The following AKT3 variants were observed in gnomAD, a reference collection of about 807,000 sequenced individuals.
AKT3 encodes AKT serine/threonine kinase 3, also known as RAC-gamma serine/threonine-protein kinase.
AKT3 carries 15 observed loss-of-function variants against 65.3 expected under a neutral mutation model. The ratio of observed to expected loss-of-function variants is 0.23; its 90% confidence interval spans 0.15 to 0.35. The LOEUF (loss-of-function observed/expected upper bound fraction) is 0.35. AKT3 is among the 10% of genes least tolerant of loss of function. AKT3 has a pLI of 1.00. For missense variants in AKT3, 243 were observed against 576.5 expected, an observed-to-expected ratio of 0.42 and a Z score of 5.92; for synonymous variants, 206 against 183.8, an observed-to-expected ratio of 1.12 and a Z score of -0.98.
chr1:243,674,595 A>C (rs1022807128), intron 3 of AKT3, among the ~76,000 whole-genome samples: 1 of 152,232 alleles, frequency 6.6e-6, no homozygotes, highest in African/African-American at 2.4e-5. Context: ...CAAATGAAGT[A>C]GTCTCTTTAA....
intron 6 of AKT3, among the ~76,000 whole-genome samples, chr1:243,618,306 C>T (rs1013766611): frequency 2.0e-5 from 3 of 152,086 alleles, no homozygotes; most frequent in African/African-American, 7.2e-5. Context: ...TATTTTCTAA[C>T]ATATTTTACA....
chr1:243,687,977 A>G (rs994237961), intron 3 of AKT3: 1 of 152,206 alleles, frequency 6.6e-6, no homozygotes, highest in Non-Finnish European at 1.5e-5. Context: ...GTTAACAGAT[A>G]TAACTTTCCA....
chr1:243,642,142 T>C (rs1413650505), intron 5 of AKT3, among the ~76,000 whole-genome samples: 1 of 152,206 alleles, frequency 6.6e-6, no homozygotes, highest in South Asian at 2.1e-4. Context: ...CCCATCTATT[T>C]TGACAGAACT....
At chr1:243,616,212 C>A (rs900968579) in intron 6 of AKT3, among the ~76,000 whole-genome samples, 15 of 148,986 alleles carry the variant, frequency 1.0e-4, no homozygotes, top group Non-Finnish European at 1.5e-4. Flanking sequence ...TGCTTCCATC[C>A]TTTCCCCCAA....
chr1:243,841,049 T>C (rs1025365958), intron 2 of AKT3, among the ~76,000 whole-genome samples: 7 of 152,152 alleles, frequency 4.6e-5, no homozygotes, highest in African/African-American at 1.7e-4. Context: ...TTGTGTGTTA[T>C]TCAAATTTTT....
At chr1:243,580,847 A>G (rs1675288528) in intron 8 of AKT3, among the ~76,000 whole-genome samples, 1 of 152,036 alleles carries the variant, frequency 6.6e-6, no homozygotes, top group Non-Finnish European at 1.5e-5. Context: ...GAGTAGCCTG[A>G]GCCACCGCAC....
rs1210424025 is a variant in AKT3 at position 243,592,209 on chromosome 1, C to A, written c.697-19161G>T. On this transcript the variant is annotated intron_variant, in intron 8 of 13. Transcript: ENST00000673466. ...AATTAGCTGGGCTTGGTGGCAGGAG[C>A]CTGTAGTCCCAGCTACTCTGGAGGC... Among the ~76,000 whole-genome samples, 5 of 152,110 alleles carry A rather than the reference C, an allele frequency of 3.3e-5. No homozygotes were observed. The East Asian group carries it at 9.7e-4, about 29-fold the overall frequency.
intron 4 of AKT3, among the ~76,000 whole-genome samples, chr1:243,659,615 T>A (rs906711333): frequency 2.0e-5 from 3 of 152,118 alleles, no homozygotes; most frequent in Non-Finnish European, 4.4e-5. Context: ...TATGTATATG[T>A]GTTATCCACA....
At chr1:243,837,692 C>A (rs1276172645) in intron 2 of AKT3, among the ~76,000 whole-genome samples, 1 of 152,068 alleles carries the variant, frequency 6.6e-6, no homozygotes, top group Non-Finnish European at 1.5e-5. Context: ...AAACTGACCA[C>A]CACTCATGAT....
chr1:243,696,037 G>A (rs966835777), intron 2 of AKT3, among the ~76,000 whole-genome samples: 3 of 151,640 alleles, frequency 2.0e-5, no homozygotes, highest in Non-Finnish European at 2.9e-5. Flanking sequence ...ATTTTCAGCT[G>A]TTTTAAAAAG....
chr1:243,535,176 T>TTTTAAAATATATTTAAAAA (rs1400969911), intron 12 of AKT3, among the ~76,000 whole-genome samples: 13 of 149,038 alleles, frequency 8.7e-5, no homozygotes, highest in South Asian at 8.4e-4. Context: ...ATATTTAAAA[T>TTTTAAAATATATTTAAAAA]TTTAAAATAA....
At chr1:243,826,680 C>T (rs1694188265) in intron 2 of AKT3, among the ~76,000 whole-genome samples, 1 of 152,196 alleles carries the variant, frequency 6.6e-6, no homozygotes, top group Non-Finnish European at 1.5e-5. Context: ...GCTTCAATCT[C>T]TGATGATTCT....
intron 2 of AKT3, among the ~76,000 whole-genome samples, chr1:243,742,062 A>T (rs1373984257): frequency 2.0e-5 from 3 of 148,580 alleles, no homozygotes; most frequent in African/African-American, 7.4e-5. Flanking sequence ...AGAAAATTAA[A>T]AAAAAAAAAA....
chr1:243,616,730 G>A (rs1459431292), intron 6 of AKT3, among the ~76,000 whole-genome samples: 1 of 152,042 alleles, frequency 6.6e-6, no homozygotes, highest in African/African-American at 2.4e-5. Context: ...CCTTAAACTC[G>A]AAAGATAATG....
At chr1:243,654,457 G>A (rs1681613087) in intron 4 of AKT3, among the ~76,000 whole-genome samples, 1 of 152,094 alleles carries the variant, frequency 6.6e-6, no homozygotes, top group Non-Finnish European at 1.5e-5. Context: ...TATTATAGGT[G>A]TGCTAGTGAC....
At chr1:243,597,949 T>C (rs1034590749) in intron 8 of AKT3, among the ~76,000 whole-genome samples, 41 of 152,246 alleles carry the variant, frequency 2.7e-4, no homozygotes, top group African/African-American at 9.4e-4. Flanking sequence ...CTGTAATGAA[T>C]GTACATTATC....
chr1:243,658,535 G>A (rs1681998770), intron 4 of AKT3, among the ~76,000 whole-genome samples: 2 of 152,198 alleles, frequency 1.3e-5, no homozygotes, highest in African/African-American at 4.8e-5. Flanking sequence ...GTAAAATAAC[G>A]TAGCTGCTAC....
At chr1:243,698,033 T>C (rs1685172257) in intron 2 of AKT3, among the ~76,000 whole-genome samples, 1 of 152,042 alleles carries the variant, frequency 6.6e-6, no homozygotes, top group South Asian at 2.1e-4. Flanking sequence ...GGCCCTAATA[T>C]TAATAAGCAC....
intron 8 of AKT3, among the ~76,000 whole-genome samples, chr1:243,610,262 C>A (rs1215326904): frequency 6.6e-6 from 1 of 152,088 alleles, no homozygotes; most frequent in Non-Finnish European, 1.5e-5. Context: ...ATCCCTAATC[C>A]CTGAGGGAAT....
Sources: gnomAD v4.1 joint callset for allele counts (sites outside exome capture counted in the v4.1 genomes callset) on GRCh38, gnomAD v4.1.1 for gene constraint, MANE v1.5 for transcripts, NCBI Gene and HGNC (gene_info 2026-07-23, HGNC 2026-07-21) for gene names.